The following ABCD2 variants were observed in gnomAD, a reference collection of about 807,000 sequenced individuals.
ABCD2 encodes the protein ATP-binding cassette sub-family D member 2.
ABCD2 carries 36 observed loss-of-function variants against 70.9 expected under a neutral mutation model. The observed-to-expected ratio is 0.51, with a 90% CI of 0.39 to 0.67. The LOEUF (loss-of-function observed/expected upper bound fraction) is 0.67, where lower values mean the gene tolerates loss of function less well. Ranked by LOEUF, ABCD2 falls within the 30% of genes least tolerant of loss-of-function variation. The pLI, the probability that ABCD2 is intolerant of heterozygous loss-of-function variation, is 0.00. For synonymous variants in ABCD2, 304 were observed against 306.9 expected (o/e 0.99, Z 0.10); for missense variants, 729 against 890.2 (o/e 0.82, Z 2.30).
the ABCD2 span, among the ~76,000 whole-genome samples, chr12:39,539,398 G>C: frequency 6.6e-6 from 1 of 152,168 alleles, no homozygotes; most frequent in Non-Finnish European, 1.5e-5. Flanking sequence ...TTTGGGATGG[G>C]CCCGTAAAAT....
chr12:39,604,810 T>G lies in ABCD2; in HGVS notation c.1357A>C (p.Asn453His), dbSNP rs775364971. The G allele has an allele frequency of 6.2e-7, 1 of 1,611,754 alleles. No homozygotes were observed. Among genetic ancestry groups the G allele is most frequent in the Non-Finnish European group, 8.5e-7 (1 of 1,178,994 alleles). Residue 453 changes from asparagine to histidine, a missense_variant, in exon 4 of 10, where the codon AAT becomes CAT. Transcript: ENST00000308666. ...AGAGGTAATTCTACCTTAGCTCCATTCTTGCTATGGCTTTCAGATTCTTGA... is the reference window on the plus strand; with the variant it reads ...AGAGGTAATTCTACCTTAGCTCCATGCTTGCTATGGCTTTCAGATTCTTGA... ...VIQESESHSK[N>H]GAKVELPLSD...
At position 39,619,640 on chromosome 12, in the gene ABCD2, C is replaced by T. The variant is rs752834740; in HGVS notation, c.-25G>A. Reference sequence around the variant, plus strand: ...TTTTCCCAGTTACCCAAACCGGCTTCCAAAAGAATTCGTTTTAAAAGATCA... The same window carrying T: ...TTTTCCCAGTTACCCAAACCGGCTTTCAAAAGAATTCGTTTTAAAAGATCA... On this transcript the variant is annotated 5_prime_UTR_variant, in exon 1 of 10. Coordinates refer to ENST00000308666, the MANE Select transcript of ABCD2 (RefSeq NM_005164.4). The T allele has an allele frequency of 1.6e-5, 26 of 1,582,776 alleles. No individual in the cohort carries two copies. Among genetic ancestry groups the T allele is most frequent in the Non-Finnish European group, 7.7e-6 (9 of 1,167,770 alleles).
chr12:39,587,682 G>A (rs967977821), intron 6 of ABCD2, among the ~76,000 whole-genome samples: 4 of 152,114 alleles, frequency 2.6e-5, no homozygotes, highest in South Asian at 2.1e-4. Flanking sequence ...AAAGGCCTAC[G>A]TATCCTTTCT....
intron 9 of ABCD2, among the ~76,000 whole-genome samples, chr12:39,565,808 T>C (rs1167666413): frequency 6.6e-6 from 1 of 152,220 alleles, no homozygotes; most frequent in East Asian, 1.9e-4. Context: ...ATCCCATCAA[T>C]ACCTAATTTA....
Position 39,589,200 on chromosome 12 carries a change from A to T in ABCD2, c.1647-2903T>A, listed in dbSNP as rs539632917. Among the ~76,000 whole-genome samples the T allele has an allele frequency of 4.6e-5, 7 of 152,292 alleles. No individual in the cohort carries two copies. In the East Asian group the frequency reaches 1.3e-3, roughly 29 times the overall value. Reference sequence around the variant, plus strand: ...ACAAAATGTGTTTTGTGGATGAATTATCTACCTATTTTCCCATGGTACACA... The same window carrying T: ...ACAAAATGTGTTTTGTGGATGAATTTTCTACCTATTTTCCCATGGTACACA... On this transcript the variant is annotated intron_variant, in intron 6 of 9. Transcript: ENST00000308666.
intron 9 of ABCD2, among the ~76,000 whole-genome samples, chr12:39,570,166 G>A (rs1941426168): frequency 6.6e-6 from 1 of 152,186 alleles, no homozygotes; most frequent in Non-Finnish European, 1.5e-5. Context: ...ACTACCCGAA[G>A]TGATCTACAT....
the ABCD2 span, among the ~76,000 whole-genome samples, chr12:39,544,193 CG>C: frequency 6.6e-6 from 1 of 152,006 alleles, no homozygotes; most frequent in Non-Finnish European, 1.5e-5. Context: ...ATCATAGAGT[CG>C]AAGCTATCTT....
the ABCD2 span, among the ~76,000 whole-genome samples, chr12:39,542,564 C>A: frequency 9.9e-5 from 15 of 151,840 alleles, no homozygotes; most frequent in South Asian, 3.1e-3. Context: ...AACAGTTATT[C>A]TTGAACCTTG....
At chr12:39,583,060 A>G (rs1010392560) in intron 7 of ABCD2, among the ~76,000 whole-genome samples, 28 of 151,996 alleles carry the variant, frequency 1.8e-4, no homozygotes, top group African/African-American at 6.8e-4. Flanking sequence ...TGGTTTCACC[A>G]TGTTGCCCAG....
intron 6 of ABCD2, among the ~76,000 whole-genome samples, chr12:39,598,287 T>C (rs1941847066): frequency 6.6e-6 from 1 of 152,238 alleles, no homozygotes. Flanking sequence ...AGCTCTGTCT[T>C]ATGACTTGTG....
At chr12:39,583,619 G>C (rs938414508) in intron 7 of ABCD2, among the ~76,000 whole-genome samples, 1 of 152,072 alleles carries the variant, frequency 6.6e-6, no homozygotes, top group Non-Finnish European at 1.5e-5. Context: ...TCATCATCCA[G>C]GTATTAAGCC....
intron 8 of ABCD2, among the ~76,000 whole-genome samples, chr12:39,578,003 T>A (rs888234587): frequency 2.0e-5 from 3 of 152,176 alleles, no homozygotes; most frequent in Non-Finnish European, 4.4e-5. Context: ...GAGTGCTTAG[T>A]GTGGGCCAAC....
chr12:39,565,096 C>T (rs553352145), intron 9 of ABCD2, among the ~76,000 whole-genome samples: 124 of 152,030 alleles, frequency 8.2e-4, no homozygotes, highest in African/African-American at 2.8e-3. Context: ...AGCTTAGGAT[C>T]GACTTGGCAA....
intron 7 of ABCD2, among the ~76,000 whole-genome samples, chr12:39,579,962 C>A (rs149687772): frequency 7.0e-4 from 107 of 152,222 alleles, no homozygotes; most frequent in African/African-American, 1.9e-3. Flanking sequence ...AACAAATTTT[C>A]ATATGTCAAT....
chr12:39,596,460 A>G (rs1018827020), intron 6 of ABCD2, among the ~76,000 whole-genome samples: 4 of 152,176 alleles, frequency 2.6e-5, no homozygotes, highest in African/African-American at 7.2e-5. Context: ...ATGAAACACA[A>G]TACTCCAGCT....
the ABCD2 span, among the ~76,000 whole-genome samples, chr12:39,541,455 G>GA: frequency 6.6e-6 from 1 of 152,152 alleles, no homozygotes; most frequent in Non-Finnish European, 1.5e-5. Flanking sequence ...TTCAGGAAAG[G>GA]AAAAAATGAC....
chr12:39,588,015 A>G (rs1258596446), intron 6 of ABCD2, among the ~76,000 whole-genome samples: 1 of 152,152 alleles, frequency 6.6e-6, no homozygotes, highest in Non-Finnish European at 1.5e-5. Flanking sequence ...TTTTATGTAT[A>G]TTGTAGGATT....
At chr12:39,571,082 G>A (rs1423560283) in intron 9 of ABCD2, among the ~76,000 whole-genome samples, 1 of 152,136 alleles carries the variant, frequency 6.6e-6, no homozygotes, top group African/African-American at 2.4e-5. Flanking sequence ...AAGTGTTGGT[G>A]AGGATGTGGA....
intron 9 of ABCD2, among the ~76,000 whole-genome samples, chr12:39,571,215 C>A (rs577466539): frequency 2.3e-4 from 35 of 152,214 alleles, no homozygotes; most frequent in African/African-American, 8.4e-4. Flanking sequence ...CAATCCCCCA[C>A]TGGGAATATA....
Sources: gnomAD v4.1 joint callset for allele counts (sites outside exome capture counted in the v4.1 genomes callset) on GRCh38, gnomAD v4.1.1 for gene constraint, MANE v1.5 for transcripts, NCBI Gene and HGNC (gene_info 2026-07-23, HGNC 2026-07-21) for gene names.